PSD3: variants seen among roughly 807,000 people sequenced by gnomAD.
PSD3 encodes the protein pleckstrin and Sec7 domain containing 3, also known as PH and SEC7 domain-containing protein 3.
Under a neutral mutation model 105.5 loss-of-function variants are expected in PSD3, and 49 were observed. The ratio of observed to expected loss-of-function variants is 0.46; its 90% confidence interval spans 0.37 to 0.59. The LOEUF (loss-of-function observed/expected upper bound fraction) is 0.59, where lower values mean the gene tolerates loss of function less well. Among genes scored for constraint, PSD3 ranks in the 20% least tolerant of loss-of-function variants. PSD3 has a pLI of 0.00. For synonymous variants in PSD3, 557 were observed against 457.8 expected (o/e 1.22, Z -2.77); for missense variants, 1,561 against 1,263.8 (o/e 1.24, Z -3.57).
In PSD3 at chr8:18,576,654, C is replaced by T. The variant is rs113095261; in HGVS notation, c.2482-1369G>A. On this transcript the variant is annotated intron_variant, in intron 12 of 15. Coordinates refer to ENST00000327040, the MANE Select transcript of PSD3 (RefSeq NM_015310.4). The stretch of plus-strand genomic sequence containing the variant: ...CTAGAGGTAGCATGACTACAAAACC[C>T]CTCTGGCCTTATAATTACGCTATAA... Among the ~76,000 whole-genome samples the T allele has an allele frequency of 4.1e-3, 627 of 152,148 alleles. 6 individuals carry two copies. Among genetic ancestry groups the T allele is most frequent in the African/African-American group, 0.014 (599 of 41,536 alleles).
chr8:18,579,597 G>C (rs1018012361), intron 12 of PSD3, among the ~76,000 whole-genome samples: 2 of 152,196 alleles, frequency 1.3e-5, no homozygotes, highest in Non-Finnish European at 1.5e-5. Flanking sequence ...TCCATTAAAA[G>C]CATGAAATAA....
chr8:18,818,562 G>C (rs1239445344), intron 4 of PSD3, among the ~76,000 whole-genome samples: 2 of 152,064 alleles, frequency 1.3e-5, no homozygotes, highest in African/African-American at 2.4e-5. Context: ...AAAGAGGTTA[G>C]TGACATAAGC....
At chr8:18,566,894 G>A (rs1414856403) in intron 14 of PSD3, among the ~76,000 whole-genome samples, 3 of 152,152 alleles carry the variant, frequency 2.0e-5, no homozygotes, top group Admixed American at 2.0e-4. Context: ...TTAGAAATAA[G>A]AGTGCCTACC....
rs1418474785 is a variant in PSD3 at position 18,804,610 on chromosome 8, A to G, written c.1830-8T>C. The G allele has an allele frequency of 6.2e-7, 1 of 1,612,384 alleles. No individual in the cohort carries two copies. The highest frequency in any genetic ancestry group is 1.3e-5 in the African/African-American group (1 of 74,968). ...AGTTTGCTAAATTCGTTGCTATAAG[A>G]AAACAGAATAGACTTGGTTATTGAA... On this transcript the variant is annotated splice_region_variant and splice_polypyrimidine_tract_variant and intron_variant, in intron 5 of 15. Coordinates refer to ENST00000327040, the MANE Select transcript of PSD3 (RefSeq NM_015310.4).
chr8:18,910,949 A>AAT (rs1482525471), intron 2 of PSD3, among the ~76,000 whole-genome samples: 1 of 151,966 alleles, frequency 6.6e-6, no homozygotes, highest in Non-Finnish European at 1.5e-5. Flanking sequence ...ATAAAAAAAA[A>AAT]AAAAATAAGT....
intron 15 of PSD3, among the ~76,000 whole-genome samples, chr8:18,547,140 C>T (rs1319431685): frequency 6.6e-6 from 1 of 152,090 alleles, no homozygotes; most frequent in Non-Finnish European, 1.5e-5. Context: ...CCCATGTAAG[C>T]CTGGTGGAAT....
intron 4 of PSD3, among the ~76,000 whole-genome samples, chr8:18,833,555 A>G (rs1813854147): frequency 6.6e-6 from 1 of 152,254 alleles, no homozygotes; most frequent in Non-Finnish European, 1.5e-5. Flanking sequence ...TAAGGCTCCA[A>G]GACAAGCCAG....
intron 2 of PSD3, among the ~76,000 whole-genome samples, chr8:18,911,531 G>C (rs1056124982): frequency 3.9e-5 from 6 of 152,132 alleles, no homozygotes; most frequent in African/African-American, 1.4e-4. Context: ...CTATAAAATG[G>C]GGGTGAGGGG....
intron 1 of PSD3, among the ~76,000 whole-genome samples, chr8:18,948,355 A>C (rs764352279): frequency 1.2e-4 from 19 of 152,218 alleles, no homozygotes; most frequent in Admixed American, 5.2e-4. Flanking sequence ...TTGGGAGAGC[A>C]CTTGGGGATT....
chr8:18,745,296 C>T (rs549828022), intron 9 of PSD3, among the ~76,000 whole-genome samples: 6 of 152,312 alleles, frequency 3.9e-5, no homozygotes, highest in African/African-American at 1.4e-4. Context: ...GCGATATTTG[C>T]CATTTCCTCC....
chr8:18,599,651 TC>T (rs1385617476), intron 12 of PSD3, among the ~76,000 whole-genome samples: 1 of 152,154 alleles, frequency 6.6e-6, no homozygotes, highest in Non-Finnish European at 1.5e-5. Flanking sequence ...ACTGTACAGA[TC>T]CACTAATATG....
Position 18,630,922 on chromosome 8 carries a change from T to A in PSD3, c.2410+1691A>T, listed in dbSNP as rs1219111418. On this transcript the variant is annotated intron_variant, in intron 11 of 15. Coordinates refer to ENST00000327040, the MANE Select transcript of PSD3 (RefSeq NM_015310.4). ...TATATGGGAGGATATGCATCAGTTA[T>A]ATGCAGATACTATGCCATTTTATAT... 4.6e-5 allele frequency among the ~76,000 whole-genome samples: 7 copies of A among 151,868 alleles called. No homozygotes were observed. In the East Asian group the frequency reaches 1.2e-3, roughly 25 times the overall value.
chr8:18,901,317 A>G (rs1169226221), intron 2 of PSD3, among the ~76,000 whole-genome samples: 1 of 152,240 alleles, frequency 6.6e-6, no homozygotes, highest in African/African-American at 2.4e-5. Flanking sequence ...GTTAATAGTC[A>G]ACAGGTAAAG....
intron 9 of PSD3, among the ~76,000 whole-genome samples, chr8:18,711,246 C>A (rs1802233426): frequency 6.6e-6 from 1 of 152,108 alleles, no homozygotes; most frequent in South Asian, 2.1e-4. Context: ...TGTAAAATAA[C>A]CAGCCAGCAT....
intron 11 of PSD3, among the ~76,000 whole-genome samples, chr8:18,603,070 GCTGA>G: frequency 6.6e-6 from 1 of 152,278 alleles, no homozygotes; most frequent in South Asian, 2.1e-4. Context: ...GAATCAATAG[GCTGA>G]CATCCTTTAA....
chr8:19,063,305 A>G (rs1344834320), intron 1 of PSD3, among the ~76,000 whole-genome samples: 2 of 152,228 alleles, frequency 1.3e-5, no homozygotes, highest in Non-Finnish European at 2.9e-5. Flanking sequence ...AAAATATTTC[A>G]ATTTTAACTG....
Position 18,615,276 on chromosome 8 carries a change from C to A in PSD3, c.2411-14842G>T, listed in dbSNP as rs114806890. Among the ~76,000 whole-genome samples the A allele has an allele frequency of 2.9e-3, 439 of 152,232 alleles. 1 individual carries two copies. Among genetic ancestry groups the A allele is most frequent in the African/African-American group, 9.9e-3 (412 of 41,534 alleles). On this transcript the variant is annotated intron_variant, in intron 11 of 15. Transcript: ENST00000327040. ...TCCAATTACCCCCAACCTGCTCTGC[C>A]CTGACTCCTGCCAAAGCACTCACCC...
At chr8:18,959,441 C>T (rs1302387993) in intron 1 of PSD3, among the ~76,000 whole-genome samples, 2 of 152,112 alleles carry the variant, frequency 1.3e-5, no homozygotes, top group East Asian at 1.9e-4. Context: ...AAACCTTCAG[C>T]GGGTCCTCAG....
chr8:18,563,649 C>A (rs1801541536), intron 14 of PSD3, among the ~76,000 whole-genome samples: 1 of 152,132 alleles, frequency 6.6e-6, no homozygotes, highest in South Asian at 2.1e-4. Context: ...ATAGCTTCCA[C>A]ATGATTTAAT....
Sources: allele counts gnomAD v4.1 joint callset (sites outside exome capture counted in the v4.1 genomes callset), GRCh38; gene constraint gnomAD v4.1.1; transcripts MANE v1.5; gene names NCBI Gene and HGNC (gene_info 2026-07-23, HGNC 2026-07-21).